Variants in HUNK observed in about 807,000 individuals in gnomAD.
HUNK encodes the protein hormonally up-regulated Neu-associated kinase, also known as hormonally up-regulated neu tumor-associated kinase.
In HUNK, 21 loss-of-function variants were observed where a neutral mutation model predicts 61.0. That is an observed-to-expected ratio of 0.34 (90% CI 0.24 to 0.50). HUNK has a LOEUF of 0.50. Ranked by LOEUF, HUNK falls within the 20% of genes least tolerant of loss-of-function variation. HUNK has a pLI of 0.98. For synonymous variants in HUNK, 371 were observed against 386.1 expected (o/e 0.96, Z 0.46); for missense variants, 772 against 945.7 (o/e 0.82, Z 2.41).
chr21:31,989,944 T>C (rs1324871313), intron 8 of HUNK, among the ~76,000 whole-genome samples, 185 bp from the exon 9 acceptor site: 2 of 152,006 alleles, frequency 1.3e-5, no homozygotes, highest in Admixed American at 6.6e-5. Flanking sequence ...ACCTAGAAAA[T>C]CTATTCAGCA....
At chr21:31,955,750 G>A (rs991263254) in intron 4 of HUNK, among the ~76,000 whole-genome samples, 4 of 152,210 alleles carry the variant, frequency 2.6e-5, no homozygotes, top group South Asian at 2.1e-4. Context: ...TGTTGCACCC[G>A]TGAGGATGTG....
intron 4 of HUNK, among the ~76,000 whole-genome samples, chr21:31,950,710 G>A (rs1009427468): frequency 2.0e-5 from 3 of 152,126 alleles, no homozygotes; most frequent in Non-Finnish European, 4.4e-5. Flanking sequence ...TGGCAGAAGT[G>A]GAAATGGAAA....
chr21:31,983,050 G>A (rs1173245920), intron 7 of HUNK, among the ~76,000 whole-genome samples: 4 of 152,160 alleles, frequency 2.6e-5, no homozygotes, highest in East Asian at 3.8e-4. Context: ...TGATCCACCC[G>A]CCTCGGCCTC....
At chr21:31,970,843 T>C (rs1291296857) in intron 6 of HUNK, among the ~76,000 whole-genome samples, 3 of 152,188 alleles carry the variant, frequency 2.0e-5, no homozygotes, top group Non-Finnish European at 4.4e-5. Context: ...ACTCCTATCC[T>C]GTTGTTGCCA....
At chr21:31,952,593 C>G (rs946311889) in intron 4 of HUNK, among the ~76,000 whole-genome samples, 2 of 97,066 alleles carry the variant, frequency 2.1e-5, no homozygotes, top group Non-Finnish European at 4.8e-5. Flanking sequence ...ACAACTTTTC[C>G]TCCAGGGAGT....
intron 1 of HUNK, among the ~76,000 whole-genome samples, chr21:31,916,823 T>C (rs1364265823): frequency 1.3e-5 from 2 of 151,648 alleles, no homozygotes; most frequent in Non-Finnish European, 2.9e-5. Context: ...ACTACAGGCA[T>C]GCACCACCAC....
At chr21:31,944,371 C>A (rs1189371657) in intron 3 of HUNK, among the ~76,000 whole-genome samples, 1 of 152,210 alleles carries the variant, frequency 6.6e-6, no homozygotes, top group Non-Finnish European at 1.5e-5. Flanking sequence ...GGGCCACTGT[C>A]CCCGGCAGAT....
At chr21:31,983,783 C>T (rs1489287108) in intron 8 of HUNK, among the ~76,000 whole-genome samples, 174 bp downstream of exon 8, 1 of 152,194 alleles carries the variant, frequency 6.6e-6, no homozygotes, top group African/African-American at 2.4e-5. Context: ...TTTGCGGTGT[C>T]TAAACCATGG....
chr21:31,934,882 AC>A (rs925533056), intron 2 of HUNK, among the ~76,000 whole-genome samples: 4 of 151,826 alleles, frequency 2.6e-5, no homozygotes, highest in African/African-American at 9.7e-5. Flanking sequence ...GTACATATGT[AC>A]CCCGTTTTCT....
At chr21:31,960,373 G>A (rs2052918729) in intron 5 of HUNK, among the ~76,000 whole-genome samples, 1 of 129,608 alleles carries the variant, frequency 7.7e-6, no homozygotes, top group South Asian at 2.4e-4. Context: ...GGGATAGAGA[G>A]TAAAAAGGTT....
chr21:31,921,448 TG>T (rs1039198005), intron 1 of HUNK, among the ~76,000 whole-genome samples: 5 of 83,280 alleles, frequency 6.0e-5, no homozygotes, highest in African/African-American at 2.3e-4. Flanking sequence ...GGGGCTTGAG[TG>T]GGGGAAGGGG....
chr21:31,954,340 C>T (rs1412606742), intron 4 of HUNK, among the ~76,000 whole-genome samples: 3 of 152,186 alleles, frequency 2.0e-5, no homozygotes, highest in African/African-American at 4.8e-5. Context: ...AAAGGAAGAA[C>T]GTTCTCGATA....
intron 1 of HUNK, among the ~76,000 whole-genome samples, chr21:31,901,725 G>A (rs1181924759): frequency 2.6e-5 from 4 of 152,188 alleles, no homozygotes; most frequent in Non-Finnish European, 5.9e-5. Context: ...GAGAGCATAG[G>A]TTGTCTTGCG....
In HUNK at chr21:31,873,156, G is replaced by A. The variant is rs889142859; in HGVS notation, c.-519G>A. Among the ~76,000 whole-genome samples, 6 of 152,188 alleles carry A rather than the reference G, an allele frequency of 3.9e-5. No homozygotes were observed. In the South Asian group the frequency reaches 1.2e-3, roughly 31 times the overall value. Reference sequence around the variant, plus strand: ...GCCTTCCAGAGGGCGCCGGCAGCCCGCCGCGCGCTTCTCTCCGGCGGGAGC... The same window carrying A: ...GCCTTCCAGAGGGCGCCGGCAGCCCACCGCGCGCTTCTCTCCGGCGGGAGC... On this transcript the variant is annotated 5_prime_UTR_variant, in exon 1 of 11. Transcript: ENST00000270112. The surrounding 1 kb of genome is among the most constrained non-coding windows in gnomAD (Gnocchi z 6.1).
At chr21:31,966,086 A>G (rs2123847262) in intron 5 of HUNK, among the ~76,000 whole-genome samples, 1 of 152,028 alleles carries the variant, frequency 6.6e-6, no homozygotes, top group Non-Finnish European at 1.5e-5. Flanking sequence ...CAAGTCCCCA[A>G]AGTCTATTGT....
Position 32,001,018 on chromosome 21 carries a change from T to A in HUNK, c.*1834T>A. Reference sequence around the variant, plus strand: ...CAGGTGTGGTGGCTCACACCTGTAATCCCAGCACTTTGGGAGGCCGAGGCA... The same window carrying A: ...CAGGTGTGGTGGCTCACACCTGTAAACCCAGCACTTTGGGAGGCCGAGGCA... On this transcript the variant is annotated 3_prime_UTR_variant, in exon 11 of 11. Coordinates refer to ENST00000270112, the MANE Select transcript of HUNK (RefSeq NM_014586.2). The A allele has an allele frequency of 3.5e-6, 1 of 283,118 alleles. No homozygotes were observed. Among genetic ancestry groups the A allele is most frequent in the East Asian group, 5.8e-5 (1 of 17,192 alleles). The allele number at this position is 283,118 out of a possible 1,614,324, so 17.5% of individuals were successfully genotyped here. A position where few individuals can be genotyped will look rare whatever the true frequency, so the allele number is the denominator to read the frequency against.
At chr21:31,955,532 A>C (rs2052883714) in intron 4 of HUNK, among the ~76,000 whole-genome samples, 3 of 151,962 alleles carry the variant, frequency 2.0e-5, no homozygotes, top group Admixed American at 2.0e-4. Context: ...CAGAGCTTGC[A>C]GTGAGCCGAG....
chr21:31,907,727 C>CA (rs1438452748), intron 1 of HUNK, among the ~76,000 whole-genome samples: 2 of 151,884 alleles, frequency 1.3e-5, no homozygotes, highest in African/African-American at 4.8e-5. Flanking sequence ...TGCTGGCTCA[C>CA]ACCTGTAATC....
intron 6 of HUNK, among the ~76,000 whole-genome samples, chr21:31,968,838 A>G: frequency 1.3e-5 from 1 of 76,154 alleles, no homozygotes; most frequent in Admixed American, 1.7e-4. Context: ...TGTTGTGTGT[A>G]AATTTGTGTG....
Sources: gnomAD v4.1 joint callset for allele counts (sites outside exome capture counted in the v4.1 genomes callset) on GRCh38, gnomAD v4.1.1 for gene constraint, Gnocchi (gnomAD v3.1) non-coding constraint, MANE v1.5 for transcripts, NCBI Gene and HGNC (gene_info 2026-07-23, HGNC 2026-07-21) for gene names.